The following SLIT2 variants were observed in gnomAD, a reference collection of about 807,000 sequenced individuals.
SLIT2 encodes the protein slit guidance ligand 2, also known as slit homolog 2 protein.
In SLIT2, 41 loss-of-function variants were observed where a neutral mutation model predicts 185.7. That is an observed-to-expected ratio of 0.22 (90% CI 0.17 to 0.29). The LOEUF is 0.29. Among genes scored for constraint, SLIT2 ranks in the 10% least tolerant of loss-of-function variants. SLIT2 has a pLI of 1.00. For missense variants in SLIT2, 1,571 were observed against 1,909.0 expected (o/e 0.82, Z 3.30); for synonymous variants, 693 against 680.2 (o/e 1.02, Z -0.29).
chr4:20,259,276 C>G (rs1712186568), intron 3 of SLIT2, among the ~76,000 whole-genome samples: 1 of 151,622 alleles, frequency 6.6e-6, no homozygotes, highest in Non-Finnish European at 1.5e-5. Flanking sequence ...CCTTGATAGA[C>G]TATGTGATTA....
At chr4:20,509,429 T>C (rs10938798) in intron 9 of SLIT2, among the ~76,000 whole-genome samples, 55,457 of 151,600 alleles carry the variant, frequency 0.37, 11,041 homozygotes, top group African/African-American at 0.54. Flanking sequence ...AGGAAGGAGA[T>C]GAGACCACTG....
chr4:20,422,739 G>C (rs1728258868), intron 4 of SLIT2, among the ~76,000 whole-genome samples: 2 of 152,046 alleles, frequency 1.3e-5, no homozygotes, highest in African/African-American at 4.8e-5. Flanking sequence ...TTTACATCTG[G>C]GAGATCTGAG....
Position 20,329,590 on chromosome 4 carries a change from T to C in SLIT2, c.395+60709T>C, listed in dbSNP as rs187678338. On this transcript the variant is annotated intron_variant, in intron 4 of 36. Coordinates refer to ENST00000504154, the MANE Select transcript of SLIT2 (RefSeq NM_004787.4). Reference sequence around the variant, plus strand: ...CACTGCTAGCATACTAGTAAAATCATAGGACTAGAGTCTATTTAAATATAC... The same window carrying C: ...CACTGCTAGCATACTAGTAAAATCACAGGACTAGAGTCTATTTAAATATAC... Among the ~76,000 whole-genome samples, 10 of 152,172 alleles carry C rather than the reference T, an allele frequency of 6.6e-5. No individual in the cohort carries two copies. In the East Asian group the frequency reaches 1.7e-3, roughly 26 times the overall value.
chr4:20,485,484 C>T (rs1319502311), intron 6 of SLIT2, among the ~76,000 whole-genome samples: 4 of 152,090 alleles, frequency 2.6e-5, no homozygotes, highest in African/African-American at 4.8e-5. Context: ...CACAATAACT[C>T]TTCACCACAC....
At chr4:20,378,837 T>C (rs1724242950) in intron 4 of SLIT2, among the ~76,000 whole-genome samples, 1 of 152,136 alleles carries the variant, frequency 6.6e-6, no homozygotes, top group Non-Finnish European at 1.5e-5. Flanking sequence ...AAGCAACTAA[T>C]TTACCCTTCA....
At chr4:20,586,438 C>T (rs1302682133) in intron 29 of SLIT2, among the ~76,000 whole-genome samples, 1 of 152,150 alleles carries the variant, frequency 6.6e-6, no homozygotes, top group Non-Finnish European at 1.5e-5. Flanking sequence ...CAGCATACCA[C>T]ACTCTGGAAA....
At chr4:20,351,823 T>G (rs1721905831) in intron 4 of SLIT2, among the ~76,000 whole-genome samples, 1 of 152,240 alleles carries the variant, frequency 6.6e-6, no homozygotes. Context: ...CAACTCAGTT[T>G]GTTTATGATT....
intron 4 of SLIT2, among the ~76,000 whole-genome samples, chr4:20,307,595 T>C (rs980952621): frequency 2.0e-5 from 3 of 152,114 alleles, no homozygotes; most frequent in Non-Finnish European, 2.9e-5. Flanking sequence ...GATTAATACT[T>C]GTTCAATCTA....
intron 4 of SLIT2, among the ~76,000 whole-genome samples, chr4:20,351,887 GTC>G (rs1488029888): frequency 2.0e-5 from 3 of 152,292 alleles, no homozygotes; most frequent in South Asian, 2.1e-4. Flanking sequence ...TTTGATGATT[GTC>G]TCTCTGATGG....
rs749392785 is a variant in SLIT2, at chr4:20,486,228, C to T, written c.568C>T (p.Leu190Phe). ...TCTCAACAATAACAACATTACTAGA[C>T]TTTCTGTGGCAAGTTTCAACCATAT... ...LTLNNNNITRLSVASFNHMPK... is the reference protein window; with the variant it reads ...LTLNNNNITRFSVASFNHMPK... Residue 190 changes from leucine (L) to phenylalanine (F), a missense_variant, in exon 7 of 37, where the codon CTT becomes TTT. Transcript: ENST00000504154. 1.2e-6 allele frequency: 2 copies of T among 1,606,174 alleles called. No individual in the cohort carries two copies. Among genetic ancestry groups the T allele is most frequent in the Non-Finnish European group, 1.7e-6 (2 of 1,173,178 alleles).
intron 4 of SLIT2, among the ~76,000 whole-genome samples, chr4:20,311,344 A>T (rs1405727444): frequency 6.6e-6 from 1 of 152,260 alleles, no homozygotes; most frequent in Non-Finnish European, 1.5e-5. Flanking sequence ...GTTCACAGGT[A>T]AATATTTTAG....
chr4:20,532,561 A>T (rs1721904567), intron 17 of SLIT2, among the ~76,000 whole-genome samples: 1 of 152,152 alleles, frequency 6.6e-6, no homozygotes, highest in Non-Finnish European at 1.5e-5. Context: ...TTTCAGCAAC[A>T]CTCAGTGGGT....
chr4:20,411,618 G>T (rs1727265132), intron 4 of SLIT2, among the ~76,000 whole-genome samples: 1 of 152,166 alleles, frequency 6.6e-6, no homozygotes, highest in African/African-American at 2.4e-5. Flanking sequence ...CCAGTGACTT[G>T]TTTTAGGTCA....
At chr4:20,389,023 T>C (rs1447978836) in intron 4 of SLIT2, among the ~76,000 whole-genome samples, 2 of 149,428 alleles carry the variant, frequency 1.3e-5, no homozygotes, top group Non-Finnish European at 3.0e-5. Flanking sequence ...AGTTTAAAAA[T>C]ATATAGTTAG....
At chr4:20,437,944 C>G (rs1270021086) in intron 4 of SLIT2, among the ~76,000 whole-genome samples, 2 of 135,380 alleles carry the variant, frequency 1.5e-5, no homozygotes, top group African/African-American at 5.5e-5. Context: ...AAAGTAAAAA[C>G]TAAGAGTTAT....
At chr4:20,500,988 C>T (rs1718681974) in intron 9 of SLIT2, among the ~76,000 whole-genome samples, 1 of 152,038 alleles carries the variant, frequency 6.6e-6, no homozygotes, top group Admixed American at 6.5e-5. Context: ...TGATTCTGTG[C>T]TAATATATAT....
At chr4:20,415,506 T>C (rs1208793209) in intron 4 of SLIT2, among the ~76,000 whole-genome samples, 1 of 152,028 alleles carries the variant, frequency 6.6e-6, no homozygotes, top group African/African-American at 2.4e-5. Flanking sequence ...AATGTGTCGT[T>C]ATTATAATTA....
chr4:20,463,452 T>G (rs13105488), intron 4 of SLIT2, among the ~76,000 whole-genome samples: 730 of 19,646 alleles, frequency 0.037, 19 homozygotes, highest in East Asian at 0.065. Context: ...AACTGTGATA[T>G]ATATATATAT....
intron 30 of SLIT2, among the ~76,000 whole-genome samples, chr4:20,592,958 C>A (rs1210648941): frequency 4.6e-5 from 7 of 152,118 alleles, no homozygotes; most frequent in Non-Finnish European, 5.9e-5. Flanking sequence ...GCTATATACT[C>A]CCATTTGTTT....
Sources: allele counts gnomAD v4.1 joint callset (sites outside exome capture counted in the v4.1 genomes callset), GRCh38; gene constraint gnomAD v4.1.1; transcripts MANE v1.5; gene names NCBI Gene and HGNC (gene_info 2026-07-23, HGNC 2026-07-21).